The following PEAK1 variants were observed in gnomAD, a reference collection of about 807,000 sequenced individuals.
PEAK1 encodes the protein pseudopodium enriched atypical kinase 1.
In PEAK1, 54 loss-of-function variants were observed where a neutral mutation model predicts 124.7. The ratio of observed to expected loss-of-function variants is 0.43; its 90% CI spans 0.35 to 0.54. The LOEUF is 0.54. PEAK1 is among the 20% of genes least tolerant of loss of function. The pLI is 0.01. For synonymous variants in PEAK1, 719 were observed against 760.0 expected, an observed-to-expected ratio of 0.95 and a Z score of 0.89; for missense variants, 2,046 against 2,134.5, an observed-to-expected ratio of 0.96 and a Z score of 0.82.
At chr15:77,337,955 A>G in intron 2 of PEAK1, 3 of 984,298 alleles carry the variant, frequency 3.0e-6, no homozygotes, top group Non-Finnish European at 3.6e-6. Context: ...AATAATCTGA[A>G]TTGGAAGTAC....
intron 2 of PEAK1, chr15:77,351,849 T>C: frequency 4.1e-6 from 4 of 985,430 alleles, no homozygotes; most frequent in Non-Finnish European, 4.8e-6. Context: ...TAGACAATTA[T>C]TTCCGGGCAT....
intron 1 of PEAK1, among the ~76,000 whole-genome samples, chr15:77,400,330 G>A (rs919056658): frequency 5.3e-5 from 8 of 152,026 alleles, no homozygotes; most frequent in Non-Finnish European, 1.2e-4. Context: ...CATAACAAAG[G>A]AAATCAGTAT....
chr15:77,389,503 C>G (rs1432595794), intron 1 of PEAK1, among the ~76,000 whole-genome samples: 1 of 152,030 alleles, frequency 6.6e-6, no homozygotes, highest in Non-Finnish European at 1.5e-5. Context: ...GAAAAAGAAA[C>G]GTAACAAAGC....
chr15:77,272,336 A>T (rs1256598996), intron 5 of PEAK1, among the ~76,000 whole-genome samples: 1 of 152,234 alleles, frequency 6.6e-6, no homozygotes, highest in Non-Finnish European at 1.5e-5. Flanking sequence ...GGTTCTTTGA[A>T]AAGATAAATA....
intron 7 of PEAK1, among the ~76,000 whole-genome samples, chr15:77,168,176 A>G (rs1352547899): frequency 4.6e-5 from 7 of 152,062 alleles, no homozygotes; most frequent in Admixed American, 4.6e-4. Context: ...TTACCAGTCT[A>G]AGAAGTGCTG....
chr15:77,208,108 GT>G (rs761652905), intron 6 of PEAK1, among the ~76,000 whole-genome samples: 47 of 152,222 alleles, frequency 3.1e-4, no homozygotes, highest in Non-Finnish European at 5.1e-4. Context: ...ACTTAAATCT[GT>G]TGCTTTTATC....
chr15:77,386,344 T>C (rs576850765), intron 1 of PEAK1, among the ~76,000 whole-genome samples: 1 of 152,358 alleles, frequency 6.6e-6, no homozygotes, highest in Non-Finnish European at 1.5e-5. Flanking sequence ...CAACAAAGTA[T>C]GTGAAGCCTT....
At position 77,113,756 on chromosome 15, in the gene PEAK1, G is replaced by C. The variant is rs1241674093; in HGVS notation, c.*400C>G. 4 of 203,216 alleles carry C rather than the reference G, an allele frequency of 2.0e-5. No individual in the cohort carries two copies. The highest frequency in any genetic ancestry group is 9.3e-5 in the African/African-American group (4 of 43,028). 12.6% of individuals were successfully genotyped at this position (203,216 alleles called of 1,614,324 possible). On this transcript the variant is annotated 3_prime_UTR_variant, in exon 10 of 10. Transcript: ENST00000682557. ...GACTGGTTAAGTCTGTCTACTGCTA[G>C]TGAGAATAAATACTTGGTGCTAAAA...
At position 77,314,156 on chromosome 15, in the gene PEAK1, G is replaced by T. The variant is rs2064718813; in HGVS notation, c.-602-27652C>A. Among the ~76,000 whole-genome samples, 3 of 152,064 alleles carry T rather than the reference G, an allele frequency of 2.0e-5. No individual in the cohort carries two copies. The South Asian group carries it at 6.2e-4, about 32-fold the overall frequency. Reference sequence around the variant, plus strand: ...ACCATCAATTAATATGAGGGTTTGTGTTATAAGAGTTAAAGCATATGCTAT... The same window carrying T: ...ACCATCAATTAATATGAGGGTTTGTTTTATAAGAGTTAAAGCATATGCTAT... On this transcript the variant is annotated intron_variant, in intron 2 of 9. Coordinates refer to ENST00000682557, the MANE Select transcript of PEAK1 (RefSeq NM_001385026.1).
chr15:77,280,391 C>A (rs934631558), intron 5 of PEAK1, among the ~76,000 whole-genome samples: 3 of 151,992 alleles, frequency 2.0e-5, no homozygotes, highest in Admixed American at 6.6e-5. Context: ...AAATTAACAA[C>A]AAAATAAAAT....
intron 9 of PEAK1, among the ~76,000 whole-genome samples, chr15:77,115,532 T>TACC (rs1199109847): frequency 2.0e-5 from 3 of 152,170 alleles, no homozygotes; most frequent in African/African-American, 7.2e-5. Flanking sequence ...ACTTTAAGTG[T>TACC]ACCATTTTTA....
chr15:77,235,947 C>T (rs569714873), intron 6 of PEAK1, among the ~76,000 whole-genome samples: 95 of 152,346 alleles, frequency 6.2e-4, no homozygotes, highest in African/African-American at 2.2e-3. Context: ...GGTGTTGAGC[C>T]TGTGGGTGCA....
intron 1 of PEAK1, chr15:77,419,363 T>A: frequency 1.0e-6 from 1 of 984,998 alleles, no homozygotes; most frequent in Middle Eastern, 5.2e-4. Context: ...AAAGAAAAGT[T>A]GCAAGAACGG....
chr15:77,346,865 C>A, intron 2 of PEAK1: 1 of 532,784 alleles, frequency 1.9e-6, no homozygotes, highest in Non-Finnish European at 2.4e-6. Flanking sequence ...GTCCCTTTGT[C>A]CCCATCAGAG....
At chr15:77,220,952 T>C (rs1438300448) in intron 6 of PEAK1, among the ~76,000 whole-genome samples, 1 of 152,086 alleles carries the variant, frequency 6.6e-6, no homozygotes, top group African/African-American at 2.4e-5. Context: ...AAACAATGTA[T>C]ATAAACTTAA....
At chr15:77,346,312 C>T in intron 2 of PEAK1, 4 of 960,090 alleles carry the variant, frequency 4.2e-6, no homozygotes, top group Non-Finnish European at 3.7e-6. Context: ...TTATTTTGTT[C>T]TATTCTATTG....
intron 1 of PEAK1, among the ~76,000 whole-genome samples, chr15:77,411,129 C>T (rs559881685): frequency 6.6e-6 from 1 of 150,918 alleles, no homozygotes; most frequent in African/African-American, 2.4e-5. Context: ...ATGTCTAAGA[C>T]CACATGTGAA....
At chr15:77,260,728 G>C (rs1223902450) in intron 5 of PEAK1, among the ~76,000 whole-genome samples, 1 of 152,212 alleles carries the variant, frequency 6.6e-6, no homozygotes, top group African/African-American at 2.4e-5. Flanking sequence ...GAGCGACACA[G>C]AAGATGTATG....
At chr15:77,148,304 T>C (rs905970029) in intron 8 of PEAK1, among the ~76,000 whole-genome samples, 7 of 152,134 alleles carry the variant, frequency 4.6e-5, no homozygotes, top group African/African-American at 1.7e-4. Context: ...TTTTTTTAAA[T>C]GGAGTTTTTT....
Sources: allele counts gnomAD v4.1 joint callset (sites outside exome capture counted in the v4.1 genomes callset), GRCh38; gene constraint gnomAD v4.1.1; transcripts MANE v1.5; gene names NCBI Gene and HGNC (gene_info 2026-07-23, HGNC 2026-07-21).